SCAPER: variants seen among roughly 807,000 people sequenced by gnomAD.
SCAPER encodes S phase cyclin A-associated protein in the endoplasmic reticulum.
Under a neutral mutation model 182.2 loss-of-function variants are expected in SCAPER, and 98 were observed. The observed-to-expected ratio is 0.54, with a 90% CI of 0.46 to 0.64. The LOEUF (loss-of-function observed/expected upper bound fraction) is 0.64, where lower values mean the gene tolerates loss of function less well. Ranked by LOEUF, SCAPER falls within the 30% of genes least tolerant of loss-of-function variation. The pLI is 0.00. For synonymous variants in SCAPER, 605 were observed against 564.6 expected, an observed-to-expected ratio of 1.07 and a Z score of -1.01; for missense variants, 1,432 against 1,690.0, an observed-to-expected ratio of 0.85 and a Z score of 2.68.
At chr15:76,421,613 C>G (rs1486955059) in intron 26 of SCAPER, among the ~76,000 whole-genome samples, 1 of 152,196 alleles carries the variant, frequency 6.6e-6, no homozygotes, top group African/African-American at 2.4e-5. Context: ...TGTGCAGAAG[C>G]TCTTTAGTTT....
chr15:76,841,826 G>A lies in SCAPER; in HGVS notation c.301C>T (p.Arg101Ter). The A allele has an allele frequency of 6.2e-7, 1 of 1,613,816 alleles. No individual in the cohort carries two copies. The highest frequency in any genetic ancestry group is 8.5e-7 in the Non-Finnish European group (1 of 1,179,848). The change falls in exon 5 of 32, where the codon CGA (arginine) becomes TGA (stop). Residue 101 changes from arginine to a stop codon, truncating the protein, a stop_gained. Transcript: ENST00000563290. LOFTEE classifies it high-confidence loss of function. ...TTATCAAAAAGAAATGCCCAGTATC[G>A]AGCTCTTAGATCAATTTTCCGAGGG... ...RHPRKIDLRA[R>*]YWAFLFDNLR... is the part of the protein sequence containing the mutation.
chr15:76,425,586 T>C (rs761158649), intron 26 of SCAPER, among the ~76,000 whole-genome samples: 3 of 152,330 alleles, frequency 2.0e-5, no homozygotes, highest in Non-Finnish European at 2.9e-5. Context: ...TCTGAGAAGT[T>C]TGATTGTCTG....
At chr15:76,711,761 TC>T (rs1405756057) in intron 17 of SCAPER, among the ~76,000 whole-genome samples, 1 of 152,156 alleles carries the variant, frequency 6.6e-6, no homozygotes, top group Non-Finnish European at 1.5e-5. Flanking sequence ...GTTCATATCC[TC>T]CCCCCATTTT....
Position 76,456,867 on chromosome 15 carries a change from C to T in SCAPER, c.3078+14345G>A, listed in dbSNP as rs567984128. Among the ~76,000 whole-genome samples, 82 of 152,278 alleles carry T rather than the reference C, an allele frequency of 5.4e-4. 1 individual carries two copies. Among genetic ancestry groups the T allele is most frequent in the African/African-American group, 1.9e-3 (81 of 41,548 alleles). On this transcript the variant is annotated intron_variant, in intron 25 of 31. Transcript: ENST00000563290. ...GGCAATGCCTCTTTGCATACTAATA[C>T]AGTGATATTAAATTCTACTCTGATA...
rs7182749 is a variant in SCAPER at position 76,799,024 on chromosome 15, G to A, written c.611+1224C>T. 8.1e-3 allele frequency among the ~76,000 whole-genome samples: 1,231 copies of A among 152,230 alleles called. 13 individuals are homozygous for A. Among genetic ancestry groups the A allele is most frequent in the African/African-American group, 0.028 (1,168 of 41,540 alleles). ...AATATAAATGTAGTTTTTGTTTGTA[G>A]CTCTTTTCTTCTCCTGATTAAAGAG... On this transcript the variant is annotated intron_variant, in intron 7 of 31. Transcript: ENST00000563290.
At chr15:76,553,529 C>CCCACTG (rs2045950014) in intron 23 of SCAPER, among the ~76,000 whole-genome samples, 1 of 152,210 alleles carries the variant, frequency 6.6e-6, no homozygotes, top group African/African-American at 2.4e-5. Context: ...GAGCACAGAT[C>CCCACTG]CCACTGCCAC....
chr15:76,355,574 A>T (rs1185607124), intron 29 of SCAPER, among the ~76,000 whole-genome samples: 2 of 152,176 alleles, frequency 1.3e-5, no homozygotes, highest in Non-Finnish European at 2.9e-5. Flanking sequence ...CTTGGACAAA[A>T]ATTAAGAACA....
chr15:76,673,952 T>TACACACACACAC (rs71447120), intron 20 of SCAPER, among the ~76,000 whole-genome samples: 77 of 146,460 alleles, frequency 5.3e-4, no homozygotes, highest in East Asian at 1.6e-3. Flanking sequence ...AATTTATCTA[T>TACACACACACAC]ACACACACAC....
intron 7 of SCAPER, among the ~76,000 whole-genome samples, chr15:76,798,521 T>C (rs545054296): frequency 6.6e-5 from 10 of 151,338 alleles, no homozygotes; most frequent in Non-Finnish European, 1.2e-4. Flanking sequence ...GGCAAAAACT[T>C]CCCAAATTTG....
chr15:76,899,280 T>C (rs1489511884), intron 1 of SCAPER, among the ~76,000 whole-genome samples: 1 of 152,208 alleles, frequency 6.6e-6, no homozygotes, highest in Non-Finnish European at 1.5e-5. Context: ...TTCTCCTGCC[T>C]CGGCCTGCCG....
At chr15:76,422,078 T>C (rs1474754391) in intron 26 of SCAPER, among the ~76,000 whole-genome samples, 1 of 152,228 alleles carries the variant, frequency 6.6e-6, no homozygotes, top group Non-Finnish European at 1.5e-5. Context: ...TTTGTTCTTT[T>C]GGCTTAGGAT....
chr15:76,348,712 T>G lies in SCAPER; in HGVS notation c.4124A>C (p.Tyr1375Ser). Reference sequence around the variant, plus strand: ...AGGAAATCTGTTAGCCAGCTCAAGATAGTCTTGGGAACCAAGGCATTTCCC... The same window carrying G: ...AGGAAATCTGTTAGCCAGCTCAAGAGAGTCTTGGGAACCAAGGCATTTCCC... ...PKGKCLGSQD[Y>S]LELANRFPQQ... The change falls in exon 32 of 32, where the codon TAT becomes TCT. Residue 1375 changes from tyrosine (Y) to serine (S), a missense_variant. By Grantham distance (144) the Tyr-to-Ser change is moderately radical (BLOSUM62 -2). Transcript: ENST00000563290. The G allele has an allele frequency of 6.4e-7, 1 of 1,551,042 alleles. No homozygotes were observed. Among genetic ancestry groups the G allele is most frequent in the Non-Finnish European group, 8.7e-7 (1 of 1,145,660 alleles).
intron 23 of SCAPER, among the ~76,000 whole-genome samples, chr15:76,540,870 C>A (rs761563395): frequency 6.6e-6 from 1 of 151,996 alleles, no homozygotes; most frequent in Admixed American, 6.6e-5. Flanking sequence ...CACCTGTAAT[C>A]CCAGGACTTT....
intron 5 of SCAPER, among the ~76,000 whole-genome samples, chr15:76,807,887 A>G (rs1356051479): frequency 6.6e-6 from 1 of 152,062 alleles, no homozygotes; most frequent in South Asian, 2.1e-4. Flanking sequence ...TTTCCTAAGA[A>G]TTAATACTTT....
intron 8 of SCAPER, among the ~76,000 whole-genome samples, chr15:76,780,609 G>A (rs2064061783): frequency 1.3e-5 from 2 of 152,182 alleles, no homozygotes; most frequent in African/African-American, 2.4e-5. Context: ...AGCCTAACTG[G>A]AAGATACCTC....
At chr15:76,723,702 C>A (rs1026364946) in intron 17 of SCAPER, among the ~76,000 whole-genome samples, 2 of 152,112 alleles carry the variant, frequency 1.3e-5, no homozygotes, top group Non-Finnish European at 2.9e-5. Flanking sequence ...CTCTTTTGAT[C>A]TTTGTTGGTT....
At chr15:76,730,548 C>A (rs1259677806) in intron 16 of SCAPER, among the ~76,000 whole-genome samples, 4 of 151,738 alleles carry the variant, frequency 2.6e-5, no homozygotes, top group Non-Finnish European at 5.9e-5. Context: ...ACAATCAAAT[C>A]TGGCACAGAA....
intron 20 of SCAPER, among the ~76,000 whole-genome samples, chr15:76,701,424 A>C (rs2058941046): frequency 1.3e-5 from 2 of 152,202 alleles, no homozygotes; most frequent in South Asian, 2.1e-4. Flanking sequence ...TATCCTCTTA[A>C]GTGAAATTTA....
rs116624390 is a variant in SCAPER, at chr15:76,581,368, T to C, written c.2712-7084A>G. Among the ~76,000 whole-genome samples, 4 of 152,080 alleles carry C rather than the reference T, an allele frequency of 2.6e-5. No individual in the cohort carries two copies. In the South Asian group the frequency reaches 6.2e-4, roughly 24 times the overall value. On this transcript the variant is annotated intron_variant, in intron 22 of 31. Transcript: ENST00000563290. The stretch of plus-strand genomic sequence containing the variant: ...CAGACAAAGCACAAAAAGAAAACAA[T>C]AGGTCAATATCCCTGATGAACACTG...
Sources: allele counts gnomAD v4.1 joint callset (sites outside exome capture counted in the v4.1 genomes callset), GRCh38; gene constraint gnomAD v4.1.1; transcripts MANE v1.5; gene names NCBI Gene and HGNC (gene_info 2026-07-23, HGNC 2026-07-21).